AQR: variants seen among roughly 807,000 people sequenced by gnomAD.
AQR encodes aquarius intron-binding spliceosomal factor, also known as RNA helicase aquarius.
AQR carries 61 observed loss-of-function variants against 180.5 expected under a neutral mutation model. The observed-to-expected ratio is 0.34, with a 90% confidence interval of 0.28 to 0.42. The LOEUF is 0.42. Among genes scored for constraint, AQR ranks in the 10% least tolerant of loss-of-function variants. The pLI is 1.00. For synonymous variants in AQR, 551 were observed against 588.8 expected, an observed-to-expected ratio of 0.94 and a Z score of 0.93; for missense variants, 1,281 against 1,798.3, an observed-to-expected ratio of 0.71 and a Z score of 5.20.
intron 17 of AQR, 88 bp downstream of exon 17, chr15:34,910,047 A>G: frequency 7.0e-7 from 1 of 1,438,306 alleles, no homozygotes; most frequent in Non-Finnish European, 9.6e-7. Flanking sequence ...TTAAAGGATA[A>G]CATTTAGTAA....
chr15:34,915,064 T>C lies in AQR; in HGVS notation c.1458A>G (p.Glu486=). The change falls in exon 16 of 35, where the codon GAA becomes GAG. Residue 486 remains glutamate, a synonymous_variant. Transcript: ENST00000156471. The part of the protein sequence containing the change: ...ESTYEIRQDI[E]DSVSRMKPWQ... The stretch of plus-strand genomic sequence containing the variant: ...ATGGCTTCATTCTGCTGACACTATC[T>C]TCAATGTCCTGACGAATTTCATAAG... 1 of 1,611,186 alleles carries C rather than the reference T, an allele frequency of 6.2e-7. No homozygotes were observed. The highest frequency in any genetic ancestry group is 2.2e-5 in the East Asian group (1 of 44,844).
intron 5 of AQR, among the ~76,000 whole-genome samples, chr15:34,946,897 G>T (rs1291511760): frequency 2.7e-5 from 4 of 148,434 alleles, no homozygotes; most frequent in Admixed American, 6.6e-5. Flanking sequence ...GGGGGGGTCA[G>T]CCCCCCGTCC....
chr15:34,904,522 A>C lies in AQR; in HGVS notation c.1832-17T>G. 1.3e-6 allele frequency: 2 copies of C among 1,580,872 alleles called. No individual in the cohort carries two copies. Among genetic ancestry groups the C allele is most frequent in the Non-Finnish European group, 1.7e-6 (2 of 1,168,190 alleles). On this transcript the variant is annotated splice_polypyrimidine_tract_variant and intron_variant, in intron 18 of 34. Coordinates refer to ENST00000156471, the MANE Select transcript of AQR (RefSeq NM_014691.3). ...GTTCAGGTCCTGGACAATTTGAAAA[A>C]GTTTGTTAAATAAAATATGTATTTT...
chr15:34,870,722 T>G (rs1892804573), intron 31 of AQR, 30 bp downstream of exon 31: 2 of 1,582,198 alleles, frequency 1.3e-6, no homozygotes, highest in Non-Finnish European at 1.7e-6. Context: ...AAATGATGAA[T>G]AAGAGAACAT....
In AQR at chr15:34,856,653, A is replaced by C. The variant is rs1323770115; in HGVS notation, c.*139T>G. The C allele has an allele frequency of 3.0e-6, 2 of 663,258 alleles. No homozygotes were observed. The highest frequency in any genetic ancestry group is 3.0e-5 in the East Asian group (1 of 33,736). The allele number at this position is 663,258 out of a possible 1,614,324, so 41.1% of individuals were successfully genotyped here. On this transcript the variant is annotated 3_prime_UTR_variant, in exon 35 of 35. Transcript: ENST00000156471. ...TAATTTAAAAAAATATATTCAAGAC[A>C]CCGAAATCAGTTAACAAATATAAGA... is the stretch of plus-strand genomic sequence containing the variant.
At chr15:34,872,799 T>C (rs1307169627) in intron 30 of AQR, among the ~76,000 whole-genome samples, 15 of 151,946 alleles carry the variant, frequency 9.9e-5, no homozygotes, top group Non-Finnish European at 1.9e-4. Context: ...TAACTCAAGA[T>C]CTCTAATTTG....
intron 27 of AQR, among the ~76,000 whole-genome samples, chr15:34,882,042 G>C (rs918854999): frequency 1.3e-5 from 2 of 152,148 alleles, no homozygotes; most frequent in Admixed American, 1.3e-4. Flanking sequence ...CTGACCTCAA[G>C]TGATCTGCCC....
Position 34,942,039 on chromosome 15 carries a change from G to A in AQR, c.513C>T (p.Ser171=). The change falls in exon 7 of 35, where the codon TCC becomes TCT. Residue 171 remains serine, a synonymous_variant. Transcript: ENST00000156471. ...LIRSQVQQLI[S]LPMWMGLQLA... ...GCTGTAAGCCCATCCACATTGGGAGGGAGATAAGCTGCTGTACTTGACTTC... is the reference window on the plus strand; with the variant it reads ...GCTGTAAGCCCATCCACATTGGGAGAGAGATAAGCTGCTGTACTTGACTTC... The A allele has an allele frequency of 6.2e-7, 1 of 1,612,572 alleles. No individual in the cohort carries two copies. Among genetic ancestry groups the A allele is most frequent in the Non-Finnish European group, 8.5e-7 (1 of 1,179,158 alleles).
In AQR at chr15:34,943,064, T is replaced by C. The variant is rs775750963; in HGVS notation, c.472-984A>G. The stretch of plus-strand genomic sequence containing the variant: ...ATGTTAAAGAGGCTTTCTGTGCCGA[T>C]AACGCTCACGCAAGCATGGTTAACG... On this transcript the variant is annotated intron_variant, in intron 6 of 34. Coordinates refer to ENST00000156471, the MANE Select transcript of AQR (RefSeq NM_014691.3). The C allele has an allele frequency of 2.5e-5, 41 of 1,610,390 alleles. 1 individual carries two copies. The highest frequency in any genetic ancestry group is 1.7e-4 in the Admixed American group (10 of 59,990).
chr15:34,946,912 AGCCGCC>A, intron 5 of AQR, among the ~76,000 whole-genome samples: 1 of 149,640 alleles, frequency 6.7e-6, no homozygotes, highest in Non-Finnish European at 1.5e-5. Flanking sequence ...CCGTCCGGCC[AGCCGCC>A]CCATCCGGGA....
intron 25 of AQR, among the ~76,000 whole-genome samples, 174 bp from the exon 26 acceptor site, chr15:34,884,908 G>A (rs921102596): frequency 1.3e-5 from 2 of 152,226 alleles, no homozygotes; most frequent in Admixed American, 1.3e-4. Context: ...TTGCTCTTCT[G>A]TTATAAAAGT....
intron 26 of AQR, among the ~76,000 whole-genome samples, chr15:34,883,929 T>C (rs1258376897): frequency 6.6e-6 from 1 of 152,166 alleles, no homozygotes; most frequent in Non-Finnish European, 1.5e-5. Flanking sequence ...ACTATTTTAC[T>C]GATCAAGAGG....
At chr15:34,909,740 G>A (rs537864312) in intron 17 of AQR, among the ~76,000 whole-genome samples, 1 of 152,038 alleles carries the variant, frequency 6.6e-6, no homozygotes, top group South Asian at 2.1e-4. Context: ...ATGTTTGTAT[G>A]TTATATGTGG....
chr15:34,958,378 T>C (rs1237076820), intron 3 of AQR, among the ~76,000 whole-genome samples: 1 of 151,968 alleles, frequency 6.6e-6, no homozygotes, highest in Non-Finnish European at 1.5e-5. Context: ...TAGCTGGGCA[T>C]GGTGGTTTGT....
intron 18 of AQR, among the ~76,000 whole-genome samples, chr15:34,905,496 A>G (rs967156275): frequency 3.9e-5 from 6 of 151,986 alleles, no homozygotes; most frequent in Admixed American, 1.3e-4. Flanking sequence ...ATGCAGGATA[A>G]TTCCTTCTTT....
At chr15:34,897,372 T>A (rs1490194627) in intron 21 of AQR, among the ~76,000 whole-genome samples, 187 bp downstream of exon 21, 1 of 152,152 alleles carries the variant, frequency 6.6e-6, no homozygotes, top group Non-Finnish European at 1.5e-5. Context: ...CTTTTTGAAA[T>A]ATTATGACTA....
At position 34,858,842 on chromosome 15, in the gene AQR, C is replaced by T. The variant is rs79353570; in HGVS notation, c.4143+1200G>A. 3.7e-3 allele frequency among the ~76,000 whole-genome samples: 564 copies of T among 152,220 alleles called. 2 individuals carry two copies. The highest frequency in any genetic ancestry group is 6.7e-3 in the Non-Finnish European group (455 of 67,986). ...CAAGCAAGTCAACAAAGAAAAAAAT[C>T]GCCTATTAGGGAAGTGGTGCTCAAA... On this transcript the variant is annotated intron_variant, in intron 34 of 34. Coordinates refer to ENST00000156471, the MANE Select transcript of AQR (RefSeq NM_014691.3).
chr15:34,921,880 A>G (rs960381877), intron 13 of AQR, among the ~76,000 whole-genome samples: 3 of 152,064 alleles, frequency 2.0e-5, no homozygotes, highest in Non-Finnish European at 4.4e-5. Context: ...GCATGATCTC[A>G]GCTCACTGTT....
At chr15:34,859,175 T>C (rs771689300) in intron 34 of AQR, among the ~76,000 whole-genome samples, 2 of 152,136 alleles carry the variant, frequency 1.3e-5, no homozygotes, top group Non-Finnish European at 2.9e-5. Flanking sequence ...AAAGGACTTG[T>C]AGCCAGAATA....
Sources: gnomAD v4.1 joint callset for allele counts (sites outside exome capture counted in the v4.1 genomes callset) on GRCh38, gnomAD v4.1.1 for gene constraint, MANE v1.5 for transcripts, NCBI Gene and HGNC (gene_info 2026-07-23, HGNC 2026-07-21) for gene names.